The following EFL1 variants were observed in gnomAD, a reference collection of about 807,000 sequenced individuals.
EFL1 encodes the protein elongation factor-like GTPase 1.
EFL1 carries 76 observed loss-of-function variants against 126.7 expected under a neutral mutation model. The ratio of observed to expected loss-of-function variants is 0.60; its 90% CI spans 0.50 to 0.73. EFL1 has a LOEUF of 0.73. EFL1 is among the 30% of genes least tolerant of loss of function. The pLI is 0.00. For synonymous variants in EFL1, 410 were observed against 448.4 expected (o/e 0.91, Z 1.08); for missense variants, 1,128 against 1,343.2 (o/e 0.84, Z 2.50).
chr15:82,199,135 T>C (rs994107815), intron 15 of EFL1, among the ~76,000 whole-genome samples: 2 of 152,168 alleles, frequency 1.3e-5, no homozygotes, highest in African/African-American at 4.8e-5. Context: ...TCTCACATCC[T>C]TCCACCTCCA....
chr15:82,157,466 C>T (rs2073979980), intron 17 of EFL1: 1 of 354,842 alleles, frequency 2.8e-6, no homozygotes, highest in Non-Finnish European at 5.1e-6. Context: ...AAGTAAAATA[C>T]ATACACAGAA....
chr15:82,137,918 T>G (rs1410893001), intron 19 of EFL1, among the ~76,000 whole-genome samples: 1 of 152,258 alleles, frequency 6.6e-6, no homozygotes, highest in Non-Finnish European at 1.5e-5. Flanking sequence ...TTTACAGATA[T>G]GTTCAGGACA....
chr15:82,160,562 T>A (rs1434079968), intron 16 of EFL1, among the ~76,000 whole-genome samples: 1 of 151,898 alleles, frequency 6.6e-6, no homozygotes, highest in Non-Finnish European at 1.5e-5. Context: ...TTCATCTTAA[T>A]TTTTAAATAA....
intron 15 of EFL1, among the ~76,000 whole-genome samples, chr15:82,178,325 T>C (rs2074215749): frequency 6.6e-6 from 1 of 152,200 alleles, no homozygotes; most frequent in African/African-American, 2.4e-5. Context: ...GGGCCTTATT[T>C]GGAATGTGTC....
chr15:82,237,886 T>C (rs2074890675), intron 7 of EFL1, among the ~76,000 whole-genome samples: 1 of 152,082 alleles, frequency 6.6e-6, no homozygotes, highest in Non-Finnish European at 1.5e-5. Flanking sequence ...CTCTAGAGAA[T>C]CATGCTAAGT....
At chr15:82,130,597 G>A in intron 19 of EFL1, 36 bp from the exon 20 acceptor site, 1 of 1,602,372 alleles carries the variant, frequency 6.2e-7, no homozygotes, top group Non-Finnish European at 8.5e-7. Context: ...GCAAGGTTAG[G>A]CATTTTTAAT....
chr15:82,160,335 CTT>C (rs555861851), intron 16 of EFL1, among the ~76,000 whole-genome samples: 4 of 152,146 alleles, frequency 2.6e-5, no homozygotes, highest in Non-Finnish European at 5.9e-5. Context: ...ACTACCACTA[CTT>C]GAGAGACACG....
intron 3 of EFL1, 94 bp from the exon 4 acceptor site, chr15:82,252,869 A>G: frequency 3.5e-6 from 3 of 854,654 alleles, no homozygotes; most frequent in Non-Finnish European, 3.7e-6. Context: ...AAATACTTAT[A>G]TTTAATTTGT....
intron 15 of EFL1, among the ~76,000 whole-genome samples, chr15:82,200,830 C>T (rs991943259): frequency 6.6e-6 from 1 of 152,204 alleles, no homozygotes; most frequent in African/African-American, 2.4e-5. Context: ...ACTGAAAAGC[C>T]AATGTATTCA....
At chr15:82,182,477 A>C (rs1306714980) in intron 15 of EFL1, among the ~76,000 whole-genome samples, 1 of 152,148 alleles carries the variant, frequency 6.6e-6, no homozygotes, top group Non-Finnish European at 1.5e-5. Context: ...CTGAAGTATT[A>C]TTCTGTTAGA....
chr15:82,179,614 A>G (rs1431199225), intron 15 of EFL1, among the ~76,000 whole-genome samples: 5 of 151,896 alleles, frequency 3.3e-5, no homozygotes, highest in Admixed American at 2.6e-4. Flanking sequence ...AGAAGGCTAT[A>G]TTTTCTAAGG....
intron 7 of EFL1, among the ~76,000 whole-genome samples, chr15:82,231,908 G>A (rs1311444066): frequency 6.6e-6 from 1 of 152,140 alleles, no homozygotes; most frequent in Non-Finnish European, 1.5e-5. Flanking sequence ...CTACTCTGTG[G>A]ATCCCTAAAA....
intron 15 of EFL1, among the ~76,000 whole-genome samples, chr15:82,190,744 A>G (rs1426670910): frequency 1.3e-5 from 2 of 152,188 alleles, no homozygotes; most frequent in Non-Finnish European, 2.9e-5. Flanking sequence ...AAGTGATAAT[A>G]CTGATTAATA....
chr15:82,217,529 TA>T (rs55892674), intron 14 of EFL1, among the ~76,000 whole-genome samples: 117 of 145,458 alleles, frequency 8.0e-4, no homozygotes, highest in Admixed American at 2.1e-3. Context: ...CTCACAAAGT[TA>T]AAAAAAAAAA....
intron 6 of EFL1, among the ~76,000 whole-genome samples, 160 bp from the exon 7 acceptor site, chr15:82,238,681 T>TA (rs1440180791): frequency 2.0e-5 from 3 of 152,218 alleles, no homozygotes; most frequent in East Asian, 3.8e-4. Context: ...GTGAATAACT[T>TA]AGATGTATCC....
At chr15:82,141,535 C>T (rs1330050231) in intron 18 of EFL1, among the ~76,000 whole-genome samples, 5 of 151,868 alleles carry the variant, frequency 3.3e-5, no homozygotes, top group Admixed American at 2.6e-4. Context: ...GGGCATGGTG[C>T]TGTGTGCCTA....
chr15:82,178,334 T>G (rs955179468), intron 15 of EFL1, among the ~76,000 whole-genome samples: 1 of 152,208 alleles, frequency 6.6e-6, no homozygotes, highest in Non-Finnish European at 1.5e-5. Flanking sequence ...TTGGAATGTG[T>G]CTATCAACTA....
chr15:82,229,194 A>G, intron 8 of EFL1, 84 bp from the exon 9 acceptor site: 2 of 1,027,112 alleles, frequency 1.9e-6, no homozygotes, highest in South Asian at 3.4e-5. Context: ...TTTATTATCA[A>G]TATGTTTCAT....
chr15:82,130,700 A>C, intron 19 of EFL1, 139 bp from the exon 20 acceptor site: 2 of 900,798 alleles, frequency 2.2e-6, no homozygotes, highest in Middle Eastern at 2.4e-4. Context: ...TAGGAATGGT[A>C]ATAAGTATGA....
Sources: gnomAD v4.1 joint callset for allele counts (sites outside exome capture counted in the v4.1 genomes callset) on GRCh38, gnomAD v4.1.1 for gene constraint, MANE v1.5 for transcripts, NCBI Gene and HGNC (gene_info 2026-07-23, HGNC 2026-07-21) for gene names.